NREP: variants seen among roughly 807,000 people sequenced by gnomAD.
NREP encodes neuronal regeneration-related protein.
Under a neutral mutation model 8.6 loss-of-function variants are expected in NREP, and 5 were observed. That is an observed-to-expected ratio of 0.58 (90% CI 0.30 to 1.22). The LOEUF (loss-of-function observed/expected upper bound fraction) is 1.22. Ranked by LOEUF, NREP falls within the 50% of genes most tolerant of loss-of-function variation. The pLI, the probability that NREP is intolerant of heterozygous loss-of-function variation, is 0.07. For synonymous variants in NREP, 27 were observed against 28.0 expected, an observed-to-expected ratio of 0.96 and a Z score of 0.11; for missense variants, 86 against 82.5, an observed-to-expected ratio of 1.04 and a Z score of -0.17.
chr5:111,771,466 T>G, intron 2 of NREP, among the ~76,000 whole-genome samples: 1 of 139,250 alleles, frequency 7.2e-6, no homozygotes, highest in Middle Eastern at 3.6e-3. Flanking sequence ...CACACACACA[T>G]ATGCACACTT....
At chr5:111,826,242 G>A (rs931371242) in intron 2 of NREP, among the ~76,000 whole-genome samples, 3 of 152,208 alleles carry the variant, frequency 2.0e-5, no homozygotes, top group Non-Finnish European at 4.4e-5. Context: ...TCAGCAGTCT[G>A]TAAAATGGAC....
chr5:111,881,808 A>G (rs999622950), intron 2 of NREP, among the ~76,000 whole-genome samples: 13 of 152,158 alleles, frequency 8.5e-5, no homozygotes, highest in African/African-American at 1.7e-4. Flanking sequence ...CAGAAAGGAC[A>G]TCCACACCAA....
chr5:111,898,139 T>C (rs1424828928), intron 2 of NREP, among the ~76,000 whole-genome samples: 1 of 152,152 alleles, frequency 6.6e-6, no homozygotes, highest in Admixed American at 6.6e-5. Flanking sequence ...CTGGAGAGTT[T>C]TGAGCAGAGC....
chr5:111,837,890 C>T (rs1007768073), intron 2 of NREP, among the ~76,000 whole-genome samples: 6 of 151,976 alleles, frequency 3.9e-5, no homozygotes, highest in Non-Finnish European at 5.9e-5. Flanking sequence ...GTGGCCAAAC[C>T]GTAAATAACT....
At chr5:111,816,301 G>A (rs2112919455) in intron 2 of NREP, among the ~76,000 whole-genome samples, 1 of 152,098 alleles carries the variant, frequency 6.6e-6, no homozygotes, top group East Asian at 1.9e-4. Flanking sequence ...CTACATAGAG[G>A]CACAATATTG....
At chr5:111,739,085 C>A (rs1326023551) in intron 2 of NREP, 2 of 152,164 alleles carry the variant, frequency 1.3e-5, no homozygotes, top group African/African-American at 4.8e-5. Flanking sequence ...GTTATGGCAG[C>A]CCTCGCAAAC....
At chr5:111,834,678 T>C (rs1752852111) in intron 2 of NREP, among the ~76,000 whole-genome samples, 1 of 152,184 alleles carries the variant, frequency 6.6e-6, no homozygotes, top group East Asian at 1.9e-4. Context: ...AGAGCCAGTT[T>C]TGCCCATTAC....
intron 2 of NREP, among the ~76,000 whole-genome samples, chr5:111,942,174 G>C (rs1167472438): frequency 6.6e-6 from 1 of 151,802 alleles, no homozygotes; most frequent in African/African-American, 2.4e-5. Context: ...TGTTAGCCAG[G>C]ATTTAATTGC....
chr5:111,933,236 G>C (rs1458226504), intron 2 of NREP, among the ~76,000 whole-genome samples: 1 of 152,024 alleles, frequency 6.6e-6, no homozygotes, highest in Non-Finnish European at 1.5e-5. Flanking sequence ...GATTCCTGCT[G>C]TTTTCACTTT....
intron 2 of NREP, among the ~76,000 whole-genome samples, chr5:111,837,733 T>G (rs1752929060): frequency 6.6e-6 from 1 of 152,030 alleles, no homozygotes; most frequent in Non-Finnish European, 1.5e-5. Flanking sequence ...AATTATAAAT[T>G]GCTATTGAAA....
At chr5:111,813,833 T>A (rs1008369258) in intron 2 of NREP, among the ~76,000 whole-genome samples, 3 of 152,078 alleles carry the variant, frequency 2.0e-5, no homozygotes, top group Non-Finnish European at 4.4e-5. Flanking sequence ...AAAGAACTAA[T>A]ATACATAAGC....
chr5:111,789,661 C>A (rs1358713288), intron 2 of NREP, among the ~76,000 whole-genome samples: 1 of 152,110 alleles, frequency 6.6e-6, no homozygotes, highest in Admixed American at 6.5e-5. Context: ...TCTCATTGTA[C>A]TTTCAGTACA....
chr5:111,893,888 A>T (rs1268604301), intron 2 of NREP, among the ~76,000 whole-genome samples: 1 of 151,924 alleles, frequency 6.6e-6, no homozygotes, highest in Non-Finnish European at 1.5e-5. Context: ...TTAAACTATG[A>T]ATTGCTTTAT....
chr5:111,911,152 T>G (rs1754901660), intron 2 of NREP, among the ~76,000 whole-genome samples: 1 of 152,036 alleles, frequency 6.6e-6, no homozygotes, highest in African/African-American at 2.4e-5. Context: ...ATATCACCCC[T>G]GCACCCAGTG....
At chr5:111,728,828 T>C (rs1242811082), downstream of NREP, 1 of 152,226 alleles carries the variant, frequency 6.6e-6, no homozygotes, top group Non-Finnish European at 1.5e-5. Flanking sequence ...CTCAAATTTT[T>C]ATCCTCTTAC....
chr5:111,777,549 G>A (rs1441434258), intron 2 of NREP, among the ~76,000 whole-genome samples: 2 of 152,088 alleles, frequency 1.3e-5, no homozygotes, highest in East Asian at 3.8e-4. Flanking sequence ...AGAGAGGTGA[G>A]ACATCTAGGA....
Position 111,851,048 on chromosome 5 carries a change from A to C in NREP, c.136-115541T>G, listed in dbSNP as rs144216302. 1.2e-3 allele frequency among the ~76,000 whole-genome samples: 189 copies of C among 152,284 alleles called. 2 individuals are homozygous for C. The South Asian group carries it at 0.017, about 14-fold the overall frequency. On this transcript the variant is annotated intron_variant, in intron 2 of 3. Transcript: ENST00000395634. ...ATACCTTGTGGGGTCTGGCACAGTC[A>C]GTGTCATTTTCCTACTGGGTCATGA... is the stretch of plus-strand genomic sequence containing the variant.
upstream of NREP, among the ~76,000 whole-genome samples, chr5:111,761,718 C>T (rs1678142803): frequency 6.6e-6 from 1 of 152,152 alleles, no homozygotes; most frequent in African/African-American, 2.4e-5. Context: ...CCATCCCTCC[C>T]ATACAGCCTG....
At chr5:111,881,190 A>T (rs2642679) in intron 2 of NREP, among the ~76,000 whole-genome samples, 2 of 151,288 alleles carry the variant, frequency 1.3e-5, no homozygotes, top group African/African-American at 4.9e-5. Context: ...CACCTGGCTC[A>T]GAGGGTCCTA....
Sources: gnomAD v4.1 joint callset for allele counts (sites outside exome capture counted in the v4.1 genomes callset) on GRCh38, gnomAD v4.1.1 for gene constraint, MANE v1.5 for transcripts, NCBI Gene and HGNC (gene_info 2026-07-23, HGNC 2026-07-21) for gene names.